The following MELK variants were observed in gnomAD, a reference collection of about 807,000 sequenced individuals.
MELK encodes pEg3 kinase.
In MELK, 81 loss-of-function variants were observed where a neutral mutation model predicts 85.0. The observed-to-expected ratio is 0.95, with a 90% CI of 0.80 to 1.15. The LOEUF is 1.15. Among genes scored for constraint, MELK ranks in the 50% most tolerant of loss-of-function variants. The probability of loss-of-function intolerance (pLI) is 0.00; values close to 1 mark genes in which losing one functional copy is unlikely to be tolerated. For synonymous variants in MELK, 252 were observed against 265.0 expected (o/e 0.95, Z 0.48); for missense variants, 754 against 777.5 (o/e 0.97, Z 0.36).
intron 10 of MELK, among the ~76,000 whole-genome samples, chr9:36,641,711 G>A (rs1166700124): frequency 6.7e-6 from 1 of 150,266 alleles, no homozygotes; most frequent in African/African-American, 2.5e-5. Flanking sequence ...GTGTTCAAGC[G>A]ATTCTCCTGC....
intron 3 of MELK, among the ~76,000 whole-genome samples, chr9:36,585,802 G>A (rs1053443487): frequency 1.3e-5 from 2 of 152,034 alleles, no homozygotes; most frequent in Non-Finnish European, 2.9e-5. Context: ...GCCAGGTGTG[G>A]TTGTGCATGC....
intron 14 of MELK, among the ~76,000 whole-genome samples, chr9:36,665,967 G>A (rs1025837889): frequency 1.3e-5 from 2 of 152,072 alleles, no homozygotes; most frequent in African/African-American, 4.8e-5. Context: ...CATTTACCCC[G>A]ACTTATGACT....
intron 12 of MELK, among the ~76,000 whole-genome samples, chr9:36,655,097 A>G (rs993876378): frequency 2.6e-5 from 4 of 152,222 alleles, no homozygotes; most frequent in Non-Finnish European, 5.9e-5. Context: ...CATCATCATC[A>G]GTGTCATTAG....
Position 36,666,860 on chromosome 9 carries a change from TGTG to T in MELK, c.1408+1280_1408+1282del, listed in dbSNP as rs1215674390. On this transcript the variant is annotated intron_variant, in intron 14 of 17. Coordinates refer to ENST00000298048, the MANE Select transcript of MELK (RefSeq NM_014791.4). ...TCCTGATGATGTCTGTGTTTGTGTG[TGTG>T]TGTGTGTGTGTGTGTGTGTGTGTGT... 4.5e-4 allele frequency among the ~76,000 whole-genome samples: 2 copies of T among 4,488 alleles called. 1 individual carries two copies. Among genetic ancestry groups the T allele is most frequent in the African/African-American group, 7.8e-4 (2 of 2,562 alleles). 2.9% of individuals were successfully genotyped at this position (4,488 alleles called of 152,430 possible).
chr9:36,594,110 A>C (rs1051699730), intron 4 of MELK, among the ~76,000 whole-genome samples: 8 of 152,210 alleles, frequency 5.3e-5, no homozygotes, highest in African/African-American at 1.7e-4. Flanking sequence ...AAAAGTGGAG[A>C]AAGTTTTCTG....
chr9:36,620,940 A>G (rs753095838), intron 8 of MELK, among the ~76,000 whole-genome samples: 1 of 151,970 alleles, frequency 6.6e-6, no homozygotes, highest in African/African-American at 2.4e-5. Flanking sequence ...ACATTTGCAC[A>G]TTTCTTAAAT....
chr9:36,658,514 CTA>C (rs1831475713), intron 13 of MELK, among the ~76,000 whole-genome samples: 1 of 152,160 alleles, frequency 6.6e-6, no homozygotes. Context: ...TTTATACTCT[CTA>C]TTTATTGTGA....
intron 14 of MELK, among the ~76,000 whole-genome samples, chr9:36,666,597 C>A (rs1389533843): frequency 6.6e-6 from 1 of 152,156 alleles, no homozygotes; most frequent in Admixed American, 6.5e-5. Context: ...AAGATTCTAA[C>A]AAACCTAAAC....
chr9:36,610,722 G>C (rs1019342268), intron 8 of MELK, among the ~76,000 whole-genome samples: 1 of 152,196 alleles, frequency 6.6e-6, no homozygotes, highest in African/African-American at 2.4e-5. Flanking sequence ...TCCACATCAG[G>C]ATACAGGGGA....
In MELK at chr9:36,677,365, G is replaced by A. The variant is rs775378180; in HGVS notation, c.*28G>A. On this transcript the variant is annotated 3_prime_UTR_variant, in exon 18 of 18. Coordinates refer to ENST00000298048, the MANE Select transcript of MELK (RefSeq NM_014791.4). The stretch of plus-strand genomic sequence containing the variant: ...GATGGATTCTTCCATCCTGCCGGAT[G>A]AGTGTGGGTGTGATACAGCCTACAT... The A allele has an allele frequency of 8.2e-6, 13 of 1,588,232 alleles. No homozygotes were observed. The South Asian group carries it at 1.4e-4, about 17-fold the overall frequency.
intron 8 of MELK, among the ~76,000 whole-genome samples, chr9:36,608,970 T>A (rs1041246440): frequency 1.3e-5 from 2 of 152,254 alleles, no homozygotes; most frequent in Non-Finnish European, 2.9e-5. Context: ...CATTTTCCTT[T>A]TGACTTATAA....
At chr9:36,614,123 G>A (rs977959063) in intron 8 of MELK, among the ~76,000 whole-genome samples, 8 of 148,432 alleles carry the variant, frequency 5.4e-5, no homozygotes, top group African/African-American at 1.8e-4. Context: ...TTGAGACAGA[G>A]TCTCGCCCTG....
chr9:36,647,428 C>T lies in MELK; in HGVS notation c.922-4318C>T, dbSNP rs182143926. 1.6e-3 allele frequency among the ~76,000 whole-genome samples: 239 copies of T among 151,888 alleles called. 1 individual carries two copies. Among genetic ancestry groups the T allele is most frequent in the Middle Eastern group, 3.5e-3 (1 of 288 alleles). Reference sequence around the variant, plus strand: ...AGAGTGATTATAAGTATATATTTTCCACCCCACCATAGTTTCCCAGCCACC... The same window carrying T: ...AGAGTGATTATAAGTATATATTTTCTACCCCACCATAGTTTCCCAGCCACC... On this transcript the variant is annotated intron_variant, in intron 11 of 17. Transcript: ENST00000298048.
At chr9:36,664,079 A>G (rs1042125541) in intron 13 of MELK, among the ~76,000 whole-genome samples, 2 of 152,044 alleles carry the variant, frequency 1.3e-5, no homozygotes, top group African/African-American at 2.4e-5. Context: ...ATTTCTATTA[A>G]AATATCTCTA....
intron 15 of MELK, 86 bp from the exon 16 acceptor site, chr9:36,670,912 G>T: frequency 7.1e-7 from 1 of 1,415,006 alleles, no homozygotes; most frequent in Admixed American, 2.4e-5. Context: ...ATCCTAATGT[G>T]TATGAAGGGA....
At chr9:36,620,548 C>CTTTTTTTT (rs747925440) in intron 8 of MELK, among the ~76,000 whole-genome samples, 2 of 128,514 alleles carry the variant, frequency 1.6e-5, no homozygotes, top group Non-Finnish European at 3.2e-5. Context: ...CATTCTCTTC[C>CTTTTTTTT]TTTTTTTTTT....
rs75296236 is a variant in MELK at position 36,592,587 on chromosome 9, C to T, written c.262-2041C>T. Among the ~76,000 whole-genome samples the T allele has an allele frequency of 2.7e-3, 414 of 152,210 alleles. 2 individuals are homozygous for T. Among genetic ancestry groups the T allele is most frequent in the South Asian group, 9.3e-3 (45 of 4,826 alleles). ...TTTATATGTGTGTGTGTGTAGCTTA[C>T]ACACACATGGTGTGACACAAATGGT... On this transcript the variant is annotated intron_variant, in intron 4 of 17. Coordinates refer to ENST00000298048, the MANE Select transcript of MELK (RefSeq NM_014791.4).
At chr9:36,656,359 C>T (rs1831242046) in intron 12 of MELK, among the ~76,000 whole-genome samples, 1 of 152,182 alleles carries the variant, frequency 6.6e-6, no homozygotes, top group Admixed American at 6.5e-5. Flanking sequence ...AAGTAGTATG[C>T]TATATAACAT....
chr9:36,601,826 G>T (rs10972990), intron 7 of MELK, among the ~76,000 whole-genome samples: 1 of 152,086 alleles, frequency 6.6e-6, no homozygotes, highest in African/African-American at 2.4e-5. Flanking sequence ...TACAATATTT[G>T]TCTTTTTGTG....
Sources: allele counts gnomAD v4.1 joint callset (sites outside exome capture counted in the v4.1 genomes callset), GRCh38; gene constraint gnomAD v4.1.1; transcripts MANE v1.5; gene names NCBI Gene and HGNC (gene_info 2026-07-23, HGNC 2026-07-21).